The following NCKAP5 variants were observed in gnomAD, a reference collection of about 807,000 sequenced individuals.
NCKAP5 encodes the protein NCK associated protein 5, also known as nck-associated protein 5.
NCKAP5 carries 92 observed loss-of-function variants against 167.0 expected under a neutral mutation model. The observed-to-expected ratio is 0.55, with a 90% CI of 0.47 to 0.66. NCKAP5 has a LOEUF of 0.66. NCKAP5 is among the 30% of genes least tolerant of loss of function. The pLI is 0.00. For missense variants in NCKAP5, 2,378 were observed against 2,315.0 expected (o/e 1.03, Z -0.56); for synonymous variants, 891 against 877.4 (o/e 1.02, Z -0.27).
intron 11 of NCKAP5, among the ~76,000 whole-genome samples, chr2:132,830,097 C>T (rs915454349): frequency 2.6e-5 from 4 of 152,248 alleles, no homozygotes; most frequent in South Asian, 2.1e-4. Flanking sequence ...ATCTACCAAC[C>T]GAAGCAGAGG....
chr2:132,826,125 C>T (rs1434218182), intron 11 of NCKAP5, among the ~76,000 whole-genome samples: 1 of 152,120 alleles, frequency 6.6e-6, no homozygotes, highest in African/African-American at 2.4e-5. Flanking sequence ...CTGCTTTGCT[C>T]TCCATGAATG....
intron 8 of NCKAP5, among the ~76,000 whole-genome samples, chr2:132,882,513 G>A (rs57203413): frequency 6.6e-6 from 1 of 152,040 alleles, no homozygotes; most frequent in African/African-American, 2.4e-5. Flanking sequence ...AAATTGGTAC[G>A]CTACCCAAAC....
chr2:132,985,116 G>A (rs568051471), intron 7 of NCKAP5, among the ~76,000 whole-genome samples: 34 of 151,814 alleles, frequency 2.2e-4, no homozygotes, highest in African/African-American at 8.0e-4. Context: ...GCTTTTCCAG[G>A]GCACCATTTT....
chr2:133,308,143 C>T (rs1346559643), intron 3 of NCKAP5, among the ~76,000 whole-genome samples: 4 of 129,286 alleles, frequency 3.1e-5, no homozygotes, highest in Non-Finnish European at 4.6e-5. Context: ...GGCTGGAGTG[C>T]AGTGGCGGGA....
chr2:132,837,683 T>A (rs1687992534), intron 11 of NCKAP5, among the ~76,000 whole-genome samples: 1 of 152,194 alleles, frequency 6.6e-6, no homozygotes, highest in Admixed American at 6.5e-5. Flanking sequence ...AAATTTATCC[T>A]CAAGTGTCTG....
chr2:133,163,517 C>T (rs536585289), intron 5 of NCKAP5, among the ~76,000 whole-genome samples: 2 of 152,296 alleles, frequency 1.3e-5, no homozygotes, highest in East Asian at 3.9e-4. Flanking sequence ...TTGTTATCAG[C>T]ACCAAGTCAG....
At chr2:133,193,673 A>G (rs974233376) in intron 5 of NCKAP5, among the ~76,000 whole-genome samples, 5 of 152,100 alleles carry the variant, frequency 3.3e-5, no homozygotes, top group African/African-American at 1.2e-4. Flanking sequence ...TGCCTGTACT[A>G]GCGATTCAAC....
the NCKAP5 span, among the ~76,000 whole-genome samples, chr2:133,605,629 G>A: frequency 2.6e-5 from 4 of 152,260 alleles, no homozygotes; most frequent in Admixed American, 1.3e-4. Context: ...TCTGCTCATC[G>A]ATTTGTAAAA....
chr2:132,834,438 G>A (rs1051139324), intron 11 of NCKAP5, among the ~76,000 whole-genome samples: 53 of 152,096 alleles, frequency 3.5e-4, no homozygotes, highest in African/African-American at 8.9e-4. Context: ...TCCGCCTCCC[G>A]GGTTCATGCC....
At chr2:133,517,670 A>C (rs900991035) in intron 2 of NCKAP5, 83 bp from the exon 3 acceptor site, 1 of 444,492 alleles carries the variant, frequency 2.2e-6, no homozygotes, top group African/African-American at 2.0e-5. Flanking sequence ...AGAAACAAGC[A>C]TTGAAGTCAA....
chr2:133,538,971 C>G (rs1685998386), intron 2 of NCKAP5, among the ~76,000 whole-genome samples: 2 of 118,864 alleles, frequency 1.7e-5, no homozygotes, highest in South Asian at 2.9e-4. Context: ...GACGGAGTCT[C>G]ACTCTGTCGC....
At chr2:132,747,431 T>TAG (rs369563167) in intron 16 of NCKAP5, among the ~76,000 whole-genome samples, 45 of 152,270 alleles carry the variant, frequency 3.0e-4, no homozygotes, top group African/African-American at 1.1e-3. Flanking sequence ...TCGTGGGAAA[T>TAG]AGCTATTATT....
At chr2:132,882,704 CTCT>C (rs1430158048) in intron 8 of NCKAP5, among the ~76,000 whole-genome samples, 1 of 152,146 alleles carries the variant, frequency 6.6e-6, no homozygotes, top group African/African-American at 2.4e-5. Flanking sequence ...TTAATTTCCT[CTCT>C]TCTTAATTAC....
intron 6 of NCKAP5, among the ~76,000 whole-genome samples, chr2:133,076,012 T>A (rs72842441): frequency 6.6e-6 from 1 of 152,128 alleles, no homozygotes; most frequent in Non-Finnish European, 1.5e-5. Context: ...CAAAAAGATA[T>A]ACCATGTAAA....
the NCKAP5 span, among the ~76,000 whole-genome samples, chr2:133,622,293 G>A: frequency 2.0e-5 from 3 of 151,154 alleles, no homozygotes; most frequent in African/African-American, 7.4e-5. Flanking sequence ...AGAGCAATCA[G>A]ACAAGAGAAA....
At chr2:132,944,015 T>A (rs1697502757) in intron 8 of NCKAP5, among the ~76,000 whole-genome samples, 1 of 152,258 alleles carries the variant, frequency 6.6e-6, no homozygotes. Context: ...GATGGGAACT[T>A]GAGTTGTGTT....
the NCKAP5 span, among the ~76,000 whole-genome samples, chr2:133,606,429 A>G: frequency 6.6e-6 from 1 of 152,212 alleles, no homozygotes; most frequent in African/African-American, 2.4e-5. Context: ...TGTAGGTTCT[A>G]GGAGGAAGCT....
At chr2:133,107,600 T>C (rs920369317) in intron 6 of NCKAP5, among the ~76,000 whole-genome samples, 2 of 152,164 alleles carry the variant, frequency 1.3e-5, no homozygotes, top group Non-Finnish European at 2.9e-5. Context: ...TGATCAGCCA[T>C]GCTAGCCAGC....
chr2:132,855,640 G>A (rs1315445450), intron 11 of NCKAP5, among the ~76,000 whole-genome samples: 3 of 152,176 alleles, frequency 2.0e-5, no homozygotes, highest in Admixed American at 6.5e-5. Context: ...TGTCTCAAGA[G>A]AGGCCAGAAT....
Sources: allele counts gnomAD v4.1 joint callset (sites outside exome capture counted in the v4.1 genomes callset), GRCh38; gene constraint gnomAD v4.1.1; transcripts MANE v1.5; gene names NCBI Gene and HGNC (gene_info 2026-07-23, HGNC 2026-07-21).